Variants in MGAM2 observed in about 807,000 individuals in gnomAD.
MGAM2 encodes probable maltase-glucoamylase 2.
Under a neutral mutation model 96.1 loss-of-function variants are expected in MGAM2, and 98 were observed. The ratio of observed to expected loss-of-function variants is 1.02; its 90% CI spans 0.87 to 1.21. MGAM2 has a LOEUF of 1.21. Ranked by LOEUF, MGAM2 falls within the 50% of genes most tolerant of loss-of-function variation. MGAM2 has a pLI of 0.00. For synonymous variants in MGAM2, 749 were observed against 414.8 expected (o/e 1.81, Z -9.79); for missense variants, 2,055 against 1,182.4 (o/e 1.74, Z -10.82).
At chr7:142,185,888 A>G (rs1796678703) in intron 34 of MGAM2, 101 bp from the exon 35 acceptor site, 1 of 615,896 alleles carries the variant, frequency 1.6e-6, no homozygotes, top group African/African-American at 1.8e-5. Flanking sequence ...AGATTAGAGC[A>G]GAGACTGATC....
At chr7:142,145,037 C>T in intron 14 of MGAM2, 92 bp downstream of exon 14, 1 of 655,210 alleles carries the variant, frequency 1.5e-6, no homozygotes, top group Non-Finnish European at 2.8e-6. Context: ...AATTTCACTT[C>T]CTAGTCCAAG....
rs1469848968 is a variant in MGAM2 at position 142,196,007 on chromosome 7, G to A, written c.4347-147G>A. ...GCTGTGAAGTTTGTTGGGATCTTTA[G>A]CATGGCTTTGAGACAGCAGATTCTT... is the stretch of plus-strand genomic sequence containing the variant. On this transcript the variant is annotated intron_variant, in intron 37 of 47. Transcript: ENST00000477922. 4.8e-6 allele frequency: 3 copies of A among 630,160 alleles called. No individual in the cohort carries two copies. The East Asian group carries it at 8.3e-5, about 17-fold the overall frequency. 39.0% of individuals were successfully genotyped at this position (630,160 alleles called of 1,614,324 possible).
At chr7:142,166,300 G>C (rs771353283) in intron 25 of MGAM2, 47 bp downstream of exon 25, 75 of 651,268 alleles carry the variant, frequency 1.2e-4, no homozygotes, top group Admixed American at 3.7e-4. Context: ...AAGTAATTAG[G>C]CACCTAGAAA....
chr7:142,211,774 T>C (rs1797592330), intron 46 of MGAM2, among the ~76,000 whole-genome samples: 1 of 152,152 alleles, frequency 6.6e-6, no homozygotes, highest in African/African-American at 2.4e-5. Context: ...CACTTCAAGG[T>C]ATTATCCAGG....
intron 32 of MGAM2, among the ~76,000 whole-genome samples, chr7:142,182,272 T>G (rs1796567896): frequency 6.6e-6 from 1 of 152,096 alleles, no homozygotes; most frequent in Non-Finnish European, 1.5e-5. Context: ...GGGGTCAGAG[T>G]ACTTCCAGGC....
chr7:142,116,844 G>T, intron 1 of MGAM2, 30 bp from the exon 2 acceptor site: 1 of 703,316 alleles, frequency 1.4e-6, no homozygotes, highest in Non-Finnish European at 2.6e-6. Flanking sequence ...CTTGTGATTT[G>T]TTTTAACCCA....
At chr7:142,191,364 T>A (rs1026428360) in intron 37 of MGAM2, among the ~76,000 whole-genome samples, 8 of 152,210 alleles carry the variant, frequency 5.3e-5, no homozygotes, top group Non-Finnish European at 1.0e-4. Flanking sequence ...AACTATTACC[T>A]AATTCAAGGT....
intron 2 of MGAM2, among the ~76,000 whole-genome samples, chr7:142,119,269 T>A (rs1794478416): frequency 6.6e-6 from 1 of 152,134 alleles, no homozygotes; most frequent in African/African-American, 2.4e-5. Flanking sequence ...AACATTTAAA[T>A]AGACATTTCT....
chr7:142,183,684 C>T (rs1340559405), intron 33 of MGAM2, among the ~76,000 whole-genome samples: 1 of 152,176 alleles, frequency 6.6e-6, no homozygotes, highest in Non-Finnish European at 1.5e-5. Flanking sequence ...CTCCCAGACA[C>T]CTGCATGCAA....
At chr7:142,171,212 C>T (rs1183889032) in intron 27 of MGAM2, 60 bp from the exon 28 acceptor site, 39 of 700,484 alleles carry the variant, frequency 5.6e-5, no homozygotes, top group Non-Finnish European at 9.1e-5. Flanking sequence ...ATTCCAAACA[C>T]GTTCCAAGTA....
chr7:142,186,695 A>G (rs965775356), intron 35 of MGAM2, among the ~76,000 whole-genome samples: 2 of 152,242 alleles, frequency 1.3e-5, no homozygotes, highest in Admixed American at 6.5e-5. Context: ...CCCACTGTCC[A>G]GTGGCCTGAA....
chr7:142,128,769 T>G (rs1794798745), intron 3 of MGAM2, among the ~76,000 whole-genome samples: 1 of 152,224 alleles, frequency 6.6e-6, no homozygotes, highest in African/African-American at 2.4e-5. Context: ...TGGAAATGCC[T>G]GGATGGCCAG....
At chr7:142,144,047 T>G (rs1795314353) in intron 13 of MGAM2, 165 bp downstream of exon 13, 1 of 474,074 alleles carries the variant, frequency 2.1e-6, no homozygotes, top group South Asian at 3.7e-5. Context: ...TCCAGTGAAT[T>G]AGGCTCCTAA....
chr7:142,155,667 C>G (rs559190522), intron 17 of MGAM2, among the ~76,000 whole-genome samples: 2 of 152,242 alleles, frequency 1.3e-5, no homozygotes, highest in African/African-American at 4.8e-5. Context: ...TTCTAAATGT[C>G]TTAAGCAGGT....
intron 36 of MGAM2, 138 bp downstream of exon 36, chr7:142,187,972 C>T: frequency 1.7e-6 from 1 of 595,726 alleles, no homozygotes. Flanking sequence ...AGTAAGATAA[C>T]CTTGAATAAG....
chr7:142,153,732 A>G (rs944259726), intron 15 of MGAM2, among the ~76,000 whole-genome samples: 2 of 152,232 alleles, frequency 1.3e-5, no homozygotes, highest in East Asian at 1.9e-4. Context: ...CCAGACCACA[A>G]CCAGATCCAA....
At chr7:142,206,812 T>A (rs996156104) in intron 45 of MGAM2, among the ~76,000 whole-genome samples, 3 of 152,258 alleles carry the variant, frequency 2.0e-5, no homozygotes, top group African/African-American at 7.2e-5. Context: ...GTCATTTAAA[T>A]GTTCTATTAG....
chr7:142,180,662 C>G (rs1796510292), intron 32 of MGAM2, among the ~76,000 whole-genome samples: 1 of 152,142 alleles, frequency 6.6e-6, no homozygotes, highest in Non-Finnish European at 1.5e-5. Flanking sequence ...CCTTCTCTCT[C>G]AGGAATGCCA....
chr7:142,175,098 T>A (rs558828498), intron 31 of MGAM2, among the ~76,000 whole-genome samples: 24 of 152,262 alleles, frequency 1.6e-4, no homozygotes, highest in Admixed American at 1.4e-3. Flanking sequence ...AGAGAGGACA[T>A]CCTTGTCTTG....
Sources: gnomAD v4.1 joint callset for allele counts (sites outside exome capture counted in the v4.1 genomes callset) on GRCh38, gnomAD v4.1.1 for gene constraint, MANE v1.5 for transcripts, NCBI Gene and HGNC (gene_info 2026-07-23, HGNC 2026-07-21) for gene names.